The following ATCAY variants were observed in gnomAD, a reference collection of about 807,000 sequenced individuals.
The protein encoded by ATCAY is caytaxin.
A neutral mutation model predicts 47.7 loss-of-function variants in ATCAY; 22 were observed. The ratio of observed to expected loss-of-function variants is 0.46; its 90% CI spans 0.33 to 0.66. The LOEUF (loss-of-function observed/expected upper bound fraction) is 0.66, where lower values mean the gene tolerates loss of function less well. Among genes scored for constraint, ATCAY ranks in the 30% least tolerant of loss-of-function variants. The pLI, the probability that ATCAY is intolerant of heterozygous loss-of-function variation, is 0.02. For missense variants in ATCAY, 452 were observed against 515.0 expected (o/e 0.88, Z 1.18); for synonymous variants, 216 against 207.6 (o/e 1.04, Z -0.35).
At chr19:3,888,514 C>T (rs1208899913) in intron 2 of ATCAY, among the ~76,000 whole-genome samples, 2 of 151,880 alleles carry the variant, frequency 1.3e-5, no homozygotes, top group Admixed American at 1.3e-4. Flanking sequence ...CCTGTAATCC[C>T]AGCTACTCAG....
intron 12 of ATCAY, among the ~76,000 whole-genome samples, chr19:3,923,359 A>G (rs2039036184): frequency 6.6e-6 from 1 of 152,220 alleles, no homozygotes; most frequent in Admixed American, 6.6e-5. Context: ...TATAATAAGC[A>G]TGTTTTAACA....
At position 3,898,694 on chromosome 19, in the gene ATCAY, T is replaced by C. The variant is rs149880409; in HGVS notation, c.78-3793T>C. Among the ~76,000 whole-genome samples the C allele has an allele frequency of 7.5e-3, 1,135 of 152,218 alleles. 19 individuals carry two copies. Among genetic ancestry groups the C allele is most frequent in the African/African-American group, 0.025 (1,030 of 41,544 alleles). On this transcript the variant is annotated intron_variant, in intron 2 of 12. Coordinates refer to ENST00000450849, the MANE Select transcript of ATCAY (RefSeq NM_033064.5). The stretch of plus-strand genomic sequence containing the variant: ...GACTGGTGTTGTTTGTTTGTTTGTT[T>C]GTTTTTGAGACAGAGTCTCACTCTG...
At chr19:3,887,812 A>G (rs1173765554) in intron 2 of ATCAY, among the ~76,000 whole-genome samples, 1 of 143,590 alleles carries the variant, frequency 7.0e-6, no homozygotes, top group Non-Finnish European at 1.5e-5. Flanking sequence ...AAAGAGAGGA[A>G]AAAAAAAAAA....
At chr19:3,906,290 C>A (rs148044858) in intron 4 of ATCAY, among the ~76,000 whole-genome samples, 265 of 150,668 alleles carry the variant, frequency 1.8e-3, no homozygotes, top group African/African-American at 6.1e-3. Context: ...GAGGGTCCAT[C>A]CGCTCCTGCG....
intron 2 of ATCAY, among the ~76,000 whole-genome samples, chr19:3,886,787 C>G (rs2038660725): frequency 6.8e-6 from 1 of 147,336 alleles, no homozygotes; most frequent in South Asian, 2.2e-4. Flanking sequence ...GATCTCAGGT[C>G]ACTGCAACCT....
In ATCAY at chr19:3,909,534, C is replaced by G; in HGVS notation, c.696C>G (p.Ile232Met). Residue 232 changes from isoleucine (I) to methionine (M), a missense_variant, in exon 7 of 13, where the codon ATC (isoleucine) becomes ATG (methionine). Transcript: ENST00000450849. The stretch of plus-strand genomic sequence containing the variant: ...TCCTGGTGGCTGAGGACTACATGAT[C>G]GTGTACCTGAACGGTGCCACGCCCC... ...LELLVAEDYM[I>M]VYLNGATPRR... is the part of the protein sequence containing the mutation. 3 of 1,613,792 alleles carry G rather than the reference C, an allele frequency of 1.9e-6. No homozygotes were observed. Among genetic ancestry groups the G allele is most frequent in the Non-Finnish European group, 2.5e-6 (3 of 1,179,860 alleles).
At chr19:3,918,192 C>G (rs2038982601) in intron 10 of ATCAY, among the ~76,000 whole-genome samples, 1 of 151,928 alleles carries the variant, frequency 6.6e-6, no homozygotes, top group Admixed American at 6.6e-5. Context: ...GGAGAACAAC[C>G]TGGACAACAT....
intron 6 of ATCAY, among the ~76,000 whole-genome samples, chr19:3,908,998 T>C (rs1279888694): frequency 2.4e-4 from 7 of 29,236 alleles, no homozygotes; most frequent in Non-Finnish European, 3.0e-4. Flanking sequence ...AGTGAGAACC[T>C]GTCTCAAAAA....
intron 11 of ATCAY, 99 bp downstream of exon 11, chr19:3,918,976 G>T: frequency 6.9e-7 from 1 of 1,440,798 alleles, no homozygotes. Context: ...CTTGTTCAGG[G>T]ACAGAAAATG....
intron 11 of ATCAY, among the ~76,000 whole-genome samples, chr19:3,919,596 T>A (rs922922497): frequency 1.3e-5 from 2 of 151,194 alleles, no homozygotes; most frequent in African/African-American, 2.4e-5. Context: ...GTCTCAAAAA[T>A]AAATAAATAA....
intron 2 of ATCAY, among the ~76,000 whole-genome samples, chr19:3,896,507 T>C (rs1321627202): frequency 6.6e-6 from 1 of 151,086 alleles, no homozygotes; most frequent in Non-Finnish European, 1.5e-5. Context: ...CCTCAGATGA[T>C]CCACCTGCCT....
chr19:3,889,692 C>G (rs995840633), intron 2 of ATCAY, among the ~76,000 whole-genome samples: 5 of 152,134 alleles, frequency 3.3e-5, no homozygotes, highest in Admixed American at 6.6e-5. Flanking sequence ...TGGTTCAAAT[C>G]CCAATTCCCC....
At chr19:3,884,849 C>T (rs769816412) in intron 1 of ATCAY, among the ~76,000 whole-genome samples, 21 of 151,834 alleles carry the variant, frequency 1.4e-4, no homozygotes, top group Admixed American at 4.6e-4. Context: ...GTAATCTCAG[C>T]GCTTAGAGAG....
intron 9 of ATCAY, among the ~76,000 whole-genome samples, chr19:3,915,135 A>G (rs1232726202): frequency 6.6e-6 from 1 of 152,142 alleles, no homozygotes; most frequent in Non-Finnish European, 1.5e-5. Flanking sequence ...CACGTAACAT[A>G]GAACTTCCCA....
chr19:3,898,632 G>A (rs956040652), intron 2 of ATCAY, among the ~76,000 whole-genome samples: 4 of 152,164 alleles, frequency 2.6e-5, no homozygotes, highest in Non-Finnish European at 5.9e-5. Context: ...CCATTGAATG[G>A]ATATACCACA....
chr19:3,909,807 G>A (rs1057318642), intron 7 of ATCAY, among the ~76,000 whole-genome samples, 190 bp downstream of exon 7: 5 of 152,024 alleles, frequency 3.3e-5, no homozygotes, highest in Non-Finnish European at 5.9e-5. Flanking sequence ...CTTTTAGGCC[G>A]GGCAAGGGGG....
intron 5 of ATCAY, 81 bp from the exon 6 acceptor site, chr19:3,908,187 G>A (rs549799888): frequency 5.1e-5 from 64 of 1,266,606 alleles, no homozygotes; most frequent in South Asian, 2.2e-4. Context: ...TGTGGGCACC[G>A]GGACGTGGTG....
At chr19:3,887,957 T>TA (rs927303122) in intron 2 of ATCAY, among the ~76,000 whole-genome samples, 77 of 150,142 alleles carry the variant, frequency 5.1e-4, no homozygotes, top group Admixed American at 3.7e-3. Flanking sequence ...AAATAAAAAT[T>TA]AAAAAAAATT....
Position 3,918,883 on chromosome 19 carries a change from T to C in ATCAY, c.1073+6T>C. On this transcript the variant is annotated splice_donor_region_variant and intron_variant, in intron 11 of 12. Transcript: ENST00000450849. ...GTGGCACCAGTGGAAAACAGGTAGGTGTGCAGGGGACCATGGGCAGAGAGC... is the reference window on the plus strand; with the variant it reads ...GTGGCACCAGTGGAAAACAGGTAGGCGTGCAGGGGACCATGGGCAGAGAGC... 1 of 1,613,944 alleles carries C rather than the reference T, an allele frequency of 6.2e-7. No homozygotes were observed. The highest frequency in any genetic ancestry group is 8.5e-7 in the Non-Finnish European group (1 of 1,179,844).
Sources: allele counts gnomAD v4.1 joint callset (sites outside exome capture counted in the v4.1 genomes callset), GRCh38; gene constraint gnomAD v4.1.1; transcripts MANE v1.5; gene names NCBI Gene and HGNC (gene_info 2026-07-23, HGNC 2026-07-21).